CSMD3: variants seen among roughly 807,000 people sequenced by gnomAD.
CSMD3 encodes the protein CUB and Sushi multiple domains 3.
Under a neutral mutation model 435.2 loss-of-function variants are expected in CSMD3, and 177 were observed. The ratio of observed to expected loss-of-function variants is 0.41; its 90% CI spans 0.36 to 0.46. The LOEUF is 0.46. Among genes scored for constraint, CSMD3 ranks in the 20% least tolerant of loss-of-function variants. The pLI, the probability that CSMD3 is intolerant of heterozygous loss-of-function variation, is 0.34. For synonymous variants in CSMD3, 1,656 were observed against 1,520.5 expected (o/e 1.09, Z -2.07); for missense variants, 4,265 against 4,504.6 (o/e 0.95, Z 1.52).
chr8:113,408,802 C>T (rs1312060740), intron 1 of CSMD3, among the ~76,000 whole-genome samples: 2 of 151,730 alleles, frequency 1.3e-5, no homozygotes, highest in African/African-American at 4.8e-5. Flanking sequence ...GTAGCTGGGA[C>T]TACAGGCGTG....
At chr8:113,024,061 C>T (rs761304151) in intron 5 of CSMD3, among the ~76,000 whole-genome samples, 23 of 152,114 alleles carry the variant, frequency 1.5e-4, no homozygotes, top group Non-Finnish European at 2.6e-4. Flanking sequence ...ATTGACCAAC[C>T]TCTCCTATCA....
At chr8:112,335,737 GTTT>G (rs60064881) in intron 44 of CSMD3, among the ~76,000 whole-genome samples, 4 of 134,364 alleles carry the variant, frequency 3.0e-5, no homozygotes, top group African/African-American at 1.1e-4. Flanking sequence ...CATTGTCTTT[GTTT>G]TTTTTTTTTT....
At chr8:112,592,976 A>G (rs1463104881) in intron 22 of CSMD3, among the ~76,000 whole-genome samples, 2 of 152,184 alleles carry the variant, frequency 1.3e-5, no homozygotes, top group African/African-American at 4.8e-5. Flanking sequence ...AGAAGCCACA[A>G]GAGAATTACA....
intron 6 of CSMD3, among the ~76,000 whole-genome samples, chr8:113,014,455 C>A (rs1459052674): frequency 2.0e-5 from 3 of 152,018 alleles, no homozygotes; most frequent in East Asian, 1.9e-4. Flanking sequence ...ATTGCACACA[C>A]AATGGAAGAG....
intron 10 of CSMD3, among the ~76,000 whole-genome samples, chr8:112,861,195 T>C (rs1034388290): frequency 6.6e-6 from 1 of 151,806 alleles, no homozygotes; most frequent in Non-Finnish European, 1.5e-5. Context: ...GTACTGATAA[T>C]AGCTACTGAA....
At chr8:113,228,015 A>G (rs1258207970) in intron 3 of CSMD3, among the ~76,000 whole-genome samples, 1 of 151,404 alleles carries the variant, frequency 6.6e-6, no homozygotes, top group Non-Finnish European at 1.5e-5. Context: ...ATTTTTTTAA[A>G]TTTCACCTCT....
At chr8:113,153,020 A>AGAAAAGAGAAAAGAAAT (rs2091845411) in intron 4 of CSMD3, among the ~76,000 whole-genome samples, 1 of 150,758 alleles carries the variant, frequency 6.6e-6, no homozygotes, top group African/African-American at 2.4e-5. Context: ...GGAAAAGAAA[A>AGAAAAGAGAAAAGAAAT]GAAAAGAGAA....
intron 9 of CSMD3, among the ~76,000 whole-genome samples, chr8:112,931,475 C>T (rs570617537): frequency 3.3e-5 from 5 of 149,516 alleles, no homozygotes; most frequent in East Asian, 2.0e-4. Context: ...ATGTAAAATC[C>T]GAAACTATAA....
chr8:113,333,786 ATGT>A (rs2094047079), intron 1 of CSMD3, among the ~76,000 whole-genome samples: 1 of 151,858 alleles, frequency 6.6e-6, no homozygotes, highest in Non-Finnish European at 1.5e-5. Context: ...ATTTAAAATA[ATGT>A]TGTCTACGTC....
chr8:113,121,254 A>G (rs1035824382), intron 4 of CSMD3, among the ~76,000 whole-genome samples: 2 of 152,100 alleles, frequency 1.3e-5, no homozygotes, highest in African/African-American at 4.8e-5. Flanking sequence ...TAACAAAAGA[A>G]TTAGTCATGC....
intron 31 of CSMD3, among the ~76,000 whole-genome samples, chr8:112,491,938 T>C (rs565135513): frequency 6.6e-6 from 1 of 152,230 alleles, no homozygotes; most frequent in Admixed American, 6.5e-5. Context: ...TGTTTCTCTG[T>C]TTTTCCTTTC....
chr8:112,677,204 G>GATTCAT (rs2075787792), intron 16 of CSMD3, among the ~76,000 whole-genome samples: 1 of 151,812 alleles, frequency 6.6e-6, no homozygotes, highest in Non-Finnish European at 1.5e-5. Flanking sequence ...GCCCTGGAAA[G>GATTCAT]GAAAATAGAA....
At chr8:112,931,456 A>C (rs1291339039) in intron 9 of CSMD3, among the ~76,000 whole-genome samples, 1 of 152,024 alleles carries the variant, frequency 6.6e-6, no homozygotes, top group Non-Finnish European at 1.5e-5. Context: ...AAATGGATTA[A>C]AGACTTAAAT....
chr8:113,083,000 G>A (rs1377143105), intron 5 of CSMD3, among the ~76,000 whole-genome samples: 2 of 152,068 alleles, frequency 1.3e-5, no homozygotes, highest in African/African-American at 2.4e-5. Flanking sequence ...AAGAAGATAC[G>A]GGAGAAGGCA....
At chr8:112,731,517 A>G (rs1391380722) in intron 13 of CSMD3, among the ~76,000 whole-genome samples, 3 of 152,148 alleles carry the variant, frequency 2.0e-5, no homozygotes, top group Non-Finnish European at 4.4e-5. Flanking sequence ...TAGATAAATT[A>G]ACTTTTAAAT....
chr8:113,314,515 A>T (rs1197477516), intron 2 of CSMD3, 56 bp downstream of exon 2: 3 of 1,028,620 alleles, frequency 2.9e-6, no homozygotes, highest in Non-Finnish European at 4.6e-6. Flanking sequence ...TGTAAAATAA[A>T]CTACTTTTAC....
intron 29 of CSMD3, among the ~76,000 whole-genome samples, chr8:112,504,442 T>C (rs1822300341): frequency 6.6e-6 from 1 of 152,128 alleles, no homozygotes; most frequent in Admixed American, 6.5e-5. Flanking sequence ...TCATCAATAG[T>C]ACTCCTAAAA....
rs190626068 is a variant in CSMD3 at position 112,579,175 on chromosome 8, T to C, written c.3886-5518A>G. On this transcript the variant is annotated intron_variant, in intron 23 of 70. Transcript: ENST00000297405. ...TTAGTTTGTAAATGATATGAGCAAC[T>C]AATTTGGTTAATTAAATAATAGTTT... is the stretch of plus-strand genomic sequence containing the variant. 5.5e-3 allele frequency among the ~76,000 whole-genome samples: 838 copies of C among 152,190 alleles called. 6 individuals are homozygous for C. Among genetic ancestry groups the C allele is most frequent in the Non-Finnish European group, 9.8e-3 (668 of 67,974 alleles).
chr8:112,263,077 G>A (rs1271028421), intron 61 of CSMD3, among the ~76,000 whole-genome samples: 1 of 149,276 alleles, frequency 6.7e-6, no homozygotes, highest in Admixed American at 6.7e-5. Context: ...TTTGTTTTGT[G>A]TTCTTCCAAA....
Sources: allele counts gnomAD v4.1 joint callset (sites outside exome capture counted in the v4.1 genomes callset), GRCh38; gene constraint gnomAD v4.1.1; transcripts MANE v1.5; gene names NCBI Gene and HGNC (gene_info 2026-07-23, HGNC 2026-07-21).